TAF7L: variants seen among roughly 807,000 people sequenced by gnomAD.
The protein encoded by TAF7L is TATA-box binding protein associated factor 7 like.
Under a neutral mutation model 30.2 loss-of-function variants are expected in TAF7L, and 6 were observed. The ratio of observed to expected loss-of-function variants is 0.20; its 90% CI spans 0.11 to 0.39. TAF7L has a LOEUF of 0.39. Ranked by LOEUF, TAF7L falls within the 10% of genes least tolerant of loss-of-function variation. TAF7L has a pLI of 1.00. For synonymous variants in TAF7L, 93 were observed against 94.5 expected, an observed-to-expected ratio of 0.98 and a Z score of 0.09; for missense variants, 284 against 277.1, an observed-to-expected ratio of 1.03 and a Z score of -0.18.
At chrX:101,279,072 A>G in intron 6 of TAF7L, 37 bp from the exon 7 acceptor site, 1 of 1,089,141 alleles carries the variant, frequency 9.2e-7, no homozygotes, top group Non-Finnish European at 1.3e-6. Flanking sequence ...TTATATTATG[A>G]TACCTATATT....
At chrX:101,290,049 T>C (rs1183556352) in intron 1 of TAF7L, among the ~76,000 whole-genome samples, 3 of 109,584 alleles carry the variant, frequency 2.7e-5, no homozygotes, top group Non-Finnish European at 5.7e-5. Context: ...ACCCCATCTC[T>C]ACTAAAGATA....
In TAF7L at chrX:101,277,643, C is replaced by T. The variant is rs756394749; in HGVS notation, c.654G>A (p.Ser218=). 10 of 1,203,165 alleles carry T rather than the reference C, an allele frequency of 8.3e-6. No individual in the cohort carries two copies. Among genetic ancestry groups the T allele is most frequent in the Middle Eastern group, 2.3e-4 (1 of 4,331 alleles). Residue 218 remains serine (S), a synonymous_variant, in exon 9 of 13, where the codon TCG becomes TCA. Transcript: ENST00000356784. ...QGSIPGFLIS[S]GMSSHKQGHT... ...GACCCTGCTTGTGGCTGCTCATTCC[C>T]GAGGATATCAAAAATCCTGGGATGG...
intron 9 of TAF7L, among the ~76,000 whole-genome samples, 185 bp from the exon 10 acceptor site, chrX:101,276,713 C>A (rs1031506563): frequency 7.2e-5 from 8 of 111,426 alleles, no homozygotes; most frequent in African/African-American, 2.6e-4. Flanking sequence ...CTGTAACATT[C>A]ATTCATGTAG....
In TAF7L at chrX:101,268,329, A is replaced by C. The variant is rs182694055; in HGVS notation, c.*864T>G. ...ACACTAATAATATACCTAGAAAAAA[A>C]CCCAAACAAGATTGTTAAAGAAGTC... is the stretch of plus-strand genomic sequence containing the variant. On this transcript the variant is annotated 3_prime_UTR_variant, in exon 13 of 13. Transcript: ENST00000356784. 8.9e-6 allele frequency: 1 copy of C among 112,331 alleles called. No homozygotes were observed. Among genetic ancestry groups the C allele is most frequent in the African/African-American group, 3.2e-5 (1 of 31,005 alleles). The allele number at this position is 112,331 out of a possible 1,213,427, so 9.3% of individuals were successfully genotyped here. A position where few individuals can be genotyped will look rare whatever the true frequency, so the allele number is the denominator to read the frequency against.
At chrX:101,290,227 A>C (rs1569277842) in intron 1 of TAF7L, among the ~76,000 whole-genome samples, 1 of 111,053 alleles carries the variant, frequency 9.0e-6, no homozygotes, top group Non-Finnish European at 1.9e-5. Context: ...CAAAACAAAA[A>C]AAGTCAGCAG....
chrX:101,283,190 C>T (rs930474594), intron 4 of TAF7L, among the ~76,000 whole-genome samples: 7 of 111,593 alleles, frequency 6.3e-5, no homozygotes, highest in Admixed American at 2.9e-4. Flanking sequence ...CCCAGCAGCT[C>T]ATATGTTTCA....
intron 1 of TAF7L, among the ~76,000 whole-genome samples, chrX:101,290,563 A>C (rs1228914919): frequency 8.9e-6 from 1 of 111,975 alleles, no homozygotes; most frequent in Non-Finnish European, 1.9e-5. Context: ...GTTCATTTCC[A>C]AGCCTTTTTG....
At chrX:101,288,268 A>G (rs1291840811) in intron 1 of TAF7L, among the ~76,000 whole-genome samples, 1 of 109,385 alleles carries the variant, frequency 9.1e-6, no homozygotes, top group Non-Finnish European at 1.9e-5. Context: ...CAGTCTCCCA[A>G]GTAGTTGGGA....
intron 6 of TAF7L, among the ~76,000 whole-genome samples, chrX:101,280,106 G>A (rs1482157233): frequency 1.9e-5 from 2 of 107,230 alleles, no homozygotes; most frequent in Non-Finnish European, 3.8e-5. Flanking sequence ...AGAGTTCTTA[G>A]ATTTACTATA....
upstream of TAF7L, among the ~76,000 whole-genome samples, chrX:101,292,117 T>C (rs1300983165): frequency 3.0e-3 from 310 of 101,841 alleles, no homozygotes; most frequent in Non-Finnish European, 3.9e-3. Context: ...CGGGCGCCTG[T>C]AGTCCCAGCT....
chrX:101,272,985 G>A (rs1924019660), intron 12 of TAF7L, among the ~76,000 whole-genome samples: 2 of 110,975 alleles, frequency 1.8e-5, no homozygotes, highest in Admixed American at 1.9e-4. Context: ...TGTTGCCCAG[G>A]CTGGTCTCGA....
At chrX:101,285,481 C>T (rs1271586705) in intron 3 of TAF7L, among the ~76,000 whole-genome samples, 1 of 78,336 alleles carries the variant, frequency 1.3e-5, no homozygotes, top group Non-Finnish European at 2.3e-5. Flanking sequence ...CTGGGTGACA[C>T]AGCAAGACTC....
chrX:101,291,313 C>T lies in TAF7L; in HGVS notation c.-92G>A. On this transcript the variant is annotated 5_prime_UTR_variant, in exon 1 of 13. Coordinates refer to ENST00000356784, the MANE Select transcript of TAF7L (RefSeq NM_001168474.2). Reference sequence around the variant, plus strand: ...TCCGGACGAACCGCGCGTGGGCTCCCGCGCGGAACGTAGAGGCGAACGCTG... The same window carrying T: ...TCCGGACGAACCGCGCGTGGGCTCCTGCGCGGAACGTAGAGGCGAACGCTG... The T allele has an allele frequency of 1.3e-6, 1 of 754,099 alleles. No individual in the cohort carries two copies. Among genetic ancestry groups the T allele is most frequent in the East Asian group, 1.5e-4 (1 of 6,612 alleles). 62.1% of individuals were successfully genotyped at this position (754,099 alleles called of 1,213,427 possible).
chrX:101,288,050 T>TA (rs1924668111), intron 1 of TAF7L, among the ~76,000 whole-genome samples: 1 of 111,333 alleles, frequency 9.0e-6, no homozygotes, highest in Non-Finnish European at 1.9e-5. Flanking sequence ...TAGTAGAAAT[T>TA]AAGCAGTCCA....
At chrX:101,277,408 C>T (rs1280877153) in intron 9 of TAF7L, among the ~76,000 whole-genome samples, 198 bp downstream of exon 9, 3 of 93,988 alleles carry the variant, frequency 3.2e-5, no homozygotes, top group African/African-American at 8.1e-5. Context: ...GCCGAGATCA[C>T]GCCACTGCAC....
chrX:101,274,375 C>T (rs972412587), intron 12 of TAF7L, among the ~76,000 whole-genome samples: 15 of 110,022 alleles, frequency 1.4e-4, no homozygotes, highest in African/African-American at 4.6e-4. Context: ...CCACCACAAC[C>T]GGCTAATTTT....
intron 6 of TAF7L, among the ~76,000 whole-genome samples, chrX:101,280,168 A>G (rs1924361988): frequency 9.0e-6 from 1 of 111,497 alleles, no homozygotes; most frequent in Non-Finnish European, 1.9e-5. Context: ...CATCAAAACT[A>G]AAAACTTTTG....
In TAF7L at chrX:101,274,260, G is replaced by A. The variant is rs180795909; in HGVS notation, c.1086+962C>T. Among the ~76,000 whole-genome samples the A allele has an allele frequency of 7.2e-3, 770 of 107,629 alleles. 3 individuals are homozygous for A. Among genetic ancestry groups the A allele is most frequent in the Non-Finnish European group, 0.011 (557 of 52,234 alleles). 93.5% of individuals were successfully genotyped at this position (107,629 alleles called of 115,157 possible). Reference sequence around the variant, plus strand: ...GACAGGGGCTCACTTTGTTGCCCAAGCTGGAGTGCAGTGGTGTGATCATGG... The same window carrying A: ...GACAGGGGCTCACTTTGTTGCCCAAACTGGAGTGCAGTGGTGTGATCATGG... On this transcript the variant is annotated intron_variant, in intron 12 of 12. Transcript: ENST00000356784.
At chrX:101,286,517 T>C in intron 3 of TAF7L, 58 bp downstream of exon 3, 4 of 889,366 alleles carry the variant, frequency 4.5e-6, no homozygotes, top group Non-Finnish European at 4.9e-6. Context: ...GTATGGCACA[T>C]AGCAATCCCT....
Sources: gnomAD v4.1 joint callset for allele counts (sites outside exome capture counted in the v4.1 genomes callset) on GRCh38, gnomAD v4.1.1 for gene constraint, MANE v1.5 for transcripts, NCBI Gene and HGNC (gene_info 2026-07-23, HGNC 2026-07-21) for gene names.